Variants in TMEM232 observed in about 807,000 individuals in gnomAD.
TMEM232 encodes transmembrane protein 232.
Under a neutral mutation model 78.8 loss-of-function variants are expected in TMEM232, and 80 were observed. The ratio of observed to expected loss-of-function variants is 1.01; its 90% CI spans 0.85 to 1.22. The LOEUF is 1.22. Ranked by LOEUF, TMEM232 falls within the 50% of genes most tolerant of loss-of-function variation. The pLI, the probability that TMEM232 is intolerant of heterozygous loss-of-function variation, is 0.00. For synonymous variants in TMEM232, 297 were observed against 254.3 expected (o/e 1.17, Z -1.60); for missense variants, 881 against 742.2 (o/e 1.19, Z -2.17).
At chr5:110,613,362 T>C (rs926776991) in intron 8 of TMEM232, among the ~76,000 whole-genome samples, 3 of 152,192 alleles carry the variant, frequency 2.0e-5, no homozygotes, top group Non-Finnish European at 4.4e-5. Flanking sequence ...TACATTTCAA[T>C]TTCATGGGCA....
rs554254223 is a variant in TMEM232, at chr5:110,657,096, G to A, written c.125+10132C>T. On this transcript the variant is annotated intron_variant, in intron 2 of 13. Coordinates refer to ENST00000455884, the MANE Select transcript of TMEM232 (RefSeq NM_001039763.4). ...AAAGCCACCTCATCCCAGCTAGAATGGCTATTATCAAAAGTAACAAATAGA... is the reference window on the plus strand; with the variant it reads ...AAAGCCACCTCATCCCAGCTAGAATAGCTATTATCAAAAGTAACAAATAGA... Among the ~76,000 whole-genome samples the A allele has an allele frequency of 3.9e-5, 6 of 152,100 alleles. No individual in the cohort carries two copies. In the East Asian group the frequency reaches 9.7e-4, roughly 25 times the overall value.
intron 12 of TMEM232, among the ~76,000 whole-genome samples, chr5:110,464,061 T>C (rs1483608715): frequency 6.6e-6 from 1 of 152,186 alleles, no homozygotes; most frequent in Non-Finnish European, 1.5e-5. Context: ...CCATCCTATA[T>C]AAAGAAGTCA....
chr5:110,411,504 G>A (rs1386896288), intron 2 of TMEM232, among the ~76,000 whole-genome samples: 1 of 151,938 alleles, frequency 6.6e-6, no homozygotes, highest in Non-Finnish European at 1.5e-5. Flanking sequence ...AACCATTTAA[G>A]GATACAATTC....
intron 1 of TMEM232, among the ~76,000 whole-genome samples, chr5:110,696,200 A>C (rs1794760478): frequency 6.6e-6 from 1 of 152,180 alleles, no homozygotes; most frequent in Admixed American, 6.5e-5. Context: ...CAAAGACAAA[A>C]ATCACATGAT....
At chr5:110,421,308 T>G (rs1276483246) in intron 13 of TMEM232, among the ~76,000 whole-genome samples, 3 of 152,050 alleles carry the variant, frequency 2.0e-5, no homozygotes, top group South Asian at 2.1e-4. Context: ...ACTTAGTTTT[T>G]CACTTTATAA....
chr5:110,461,143 C>T (rs1298514420), intron 12 of TMEM232, among the ~76,000 whole-genome samples: 1 of 151,724 alleles, frequency 6.6e-6, no homozygotes, highest in African/African-American at 2.4e-5. Flanking sequence ...ATGAAAACTG[C>T]AATAGGCCAA....
chr5:110,549,367 T>C (rs56689161), intron 11 of TMEM232, among the ~76,000 whole-genome samples: 5,891 of 151,580 alleles, frequency 0.039, 174 homozygotes, highest in African/African-American at 0.081. Context: ...GTAATCCCAG[T>C]GTTTTGAGGG....
chr5:110,546,950 T>A (rs1158505028), intron 11 of TMEM232, among the ~76,000 whole-genome samples: 2 of 151,022 alleles, frequency 1.3e-5, no homozygotes, highest in African/African-American at 4.9e-5. Context: ...GTTGCCACGA[T>A]ACTACCAAAA....
chr5:110,575,190 C>T (rs1187287416), intron 10 of TMEM232, among the ~76,000 whole-genome samples: 1 of 151,808 alleles, frequency 6.6e-6, no homozygotes, highest in Non-Finnish European at 1.5e-5. Flanking sequence ...TATATATGTA[C>T]ATAATATATA....
At chr5:110,514,847 C>A (rs774196590) in intron 12 of TMEM232, among the ~76,000 whole-genome samples, 1 of 152,106 alleles carries the variant, frequency 6.6e-6, no homozygotes, top group Non-Finnish European at 1.5e-5. Flanking sequence ...GAAAGTGACT[C>A]TTCTTTGATA....
chr5:110,682,198 T>C (rs142604725), intron 1 of TMEM232, among the ~76,000 whole-genome samples: 1,785 of 152,296 alleles, frequency 0.012, 46 homozygotes, highest in African/African-American at 0.04. Flanking sequence ...TAGCTTTAAG[T>C]AAATTAAAAT....
chr5:110,520,339 C>T (rs1408622620), intron 12 of TMEM232, among the ~76,000 whole-genome samples: 1 of 151,746 alleles, frequency 6.6e-6, no homozygotes, highest in Non-Finnish European at 1.5e-5. Flanking sequence ...GGGAATTCTA[C>T]CATAGCTTCA....
chr5:110,396,972 G>C (rs1755412747), intron 3 of TMEM232, among the ~76,000 whole-genome samples: 1 of 152,120 alleles, frequency 6.6e-6, no homozygotes, highest in African/African-American at 2.4e-5. Context: ...AGAGGCTATA[G>C]GTTATCTACT....
At chr5:110,406,493 TA>T (rs1297691959) in intron 2 of TMEM232, among the ~76,000 whole-genome samples, 5 of 151,666 alleles carry the variant, frequency 3.3e-5, no homozygotes, top group African/African-American at 1.2e-4. Context: ...GTGCTCAAAT[TA>T]AAAAAAACTG....
chr5:110,389,964 T>C (rs1054088052), intron 4 of TMEM232, among the ~76,000 whole-genome samples: 2 of 152,174 alleles, frequency 1.3e-5, no homozygotes, highest in Admixed American at 6.5e-5. Flanking sequence ...CCCCAAAACA[T>C]TGACAATTCT....
At chr5:110,625,193 A>G in intron 7 of TMEM232, 74 bp downstream of exon 7, 1 of 1,372,066 alleles carries the variant, frequency 7.3e-7, no homozygotes, top group Non-Finnish European at 9.6e-7. Flanking sequence ...ATTGATAAGC[A>G]CCATTACTTA....
At chr5:110,633,510 G>T (rs1785412194) in intron 5 of TMEM232, among the ~76,000 whole-genome samples, 1 of 152,066 alleles carries the variant, frequency 6.6e-6, no homozygotes, top group South Asian at 2.1e-4. Flanking sequence ...ACGTGTTGAG[G>T]GAGGGAGGTG....
chr5:110,609,494 T>C (rs1231218198), intron 8 of TMEM232, among the ~76,000 whole-genome samples: 4 of 152,014 alleles, frequency 2.6e-5, no homozygotes, highest in Non-Finnish European at 4.4e-5. Context: ...TTTTAAGTAG[T>C]GAGAGTATTA....
chr5:110,631,809 G>C (rs1580432667), intron 5 of TMEM232, among the ~76,000 whole-genome samples: 1 of 152,052 alleles, frequency 6.6e-6, no homozygotes, highest in Admixed American at 6.6e-5. Flanking sequence ...GGACCCAGAA[G>C]GTTGTCCCAC....
Sources: allele counts gnomAD v4.1 joint callset (sites outside exome capture counted in the v4.1 genomes callset), GRCh38; gene constraint gnomAD v4.1.1; transcripts MANE v1.5; gene names NCBI Gene and HGNC (gene_info 2026-07-23, HGNC 2026-07-21).